The following LIMD1 variants were observed in gnomAD, a reference collection of about 807,000 sequenced individuals.
LIMD1 encodes the protein LIM domain-containing protein 1.
A neutral mutation model predicts 58.4 loss-of-function variants in LIMD1; 23 were observed. The ratio of observed to expected loss-of-function variants is 0.39; its 90% CI spans 0.28 to 0.56. The LOEUF (loss-of-function observed/expected upper bound fraction) is 0.56, where lower values mean the gene tolerates loss of function less well. Among genes scored for constraint, LIMD1 ranks in the 20% least tolerant of loss-of-function variants. LIMD1 has a pLI of 0.57. For missense variants in LIMD1, 838 were observed against 855.5 expected (o/e 0.98, Z 0.25); for synonymous variants, 334 against 345.5 (o/e 0.97, Z 0.37).
chr3:45,628,810 G>GAC (rs1701696276), intron 1 of LIMD1, among the ~76,000 whole-genome samples: 2 of 152,198 alleles, frequency 1.3e-5, no homozygotes, highest in Admixed American at 6.5e-5. Flanking sequence ...TCATATGGTG[G>GAC]AATACCACAT....
At chr3:45,599,584 G>A (rs566648635) in intron 1 of LIMD1, among the ~76,000 whole-genome samples, 2 of 152,292 alleles carry the variant, frequency 1.3e-5, no homozygotes, top group Non-Finnish European at 2.9e-5. Flanking sequence ...ACTGCACAGC[G>A]TCTTGGCAGT....
At chr3:45,609,857 G>A (rs1575344505) in intron 1 of LIMD1, among the ~76,000 whole-genome samples, 1 of 152,048 alleles carries the variant, frequency 6.6e-6, no homozygotes, top group African/African-American at 2.4e-5. Flanking sequence ...GTATCCCCAG[G>A]GCCCAAGGCA....
At chr3:45,601,669 A>G (rs1331139008) in intron 1 of LIMD1, among the ~76,000 whole-genome samples, 5 of 152,196 alleles carry the variant, frequency 3.3e-5, no homozygotes, top group African/African-American at 1.2e-4. Flanking sequence ...GTTTTGATGT[A>G]GGCACCATTC....
At chr3:45,633,071 A>G (rs1446492051) in intron 1 of LIMD1, among the ~76,000 whole-genome samples, 1 of 152,196 alleles carries the variant, frequency 6.6e-6, no homozygotes, top group East Asian at 1.9e-4. Flanking sequence ...AAATCATTAG[A>G]CAGAAAGAAA....
intron 1 of LIMD1, among the ~76,000 whole-genome samples, chr3:45,606,482 G>A (rs1701469154): frequency 6.6e-6 from 1 of 152,218 alleles, no homozygotes; most frequent in African/African-American, 2.4e-5. Flanking sequence ...TCCCACTCTT[G>A]CAACGAGAGG....
At chr3:45,635,169 CGGAG>C (rs1701773316) in intron 1 of LIMD1, 1 of 152,490 alleles carries the variant, frequency 6.6e-6, no homozygotes, top group South Asian at 2.1e-4. Context: ...ACCCGGGAGG[CGGAG>C]GTTGCAGTGA....
At chr3:45,642,341 AT>A (rs1701851437) in intron 2 of LIMD1, among the ~76,000 whole-genome samples, 1 of 151,716 alleles carries the variant, frequency 6.6e-6, no homozygotes, top group African/African-American at 2.4e-5. Flanking sequence ...ATGTTCAGCT[AT>A]TTTTTATTAT....
rs77820188 is a variant in LIMD1 at position 45,667,868 on chromosome 3, A to G, written c.1579-426A>G. On this transcript the variant is annotated intron_variant, in intron 3 of 7. Transcript: ENST00000273317. The stretch of plus-strand genomic sequence containing the variant: ...AGTGATGGTTTCAGAATCCCCTGAA[A>G]GGCTTGTGAAAACACAGATTGCCAG... Among the ~76,000 whole-genome samples the G allele has an allele frequency of 7.3e-3, 1,109 of 152,230 alleles. 6 individuals carry two copies. Among genetic ancestry groups the G allele is most frequent in the Non-Finnish European group, 0.012 (800 of 68,010 alleles).
chr3:45,595,655 C>G lies in LIMD1; in HGVS notation c.776C>G (p.Pro259Arg), dbSNP rs771192097. ...ATTGGTGGCCGCAGCAGCGAGAAGCCAACAGGCCTTTGGTCCACTGCCTCC... is the reference window on the plus strand; with the variant it reads ...ATTGGTGGCCGCAGCAGCGAGAAGCGAACAGGCCTTTGGTCCACTGCCTCC... ...SGIGGRSSEK[P>R]TGLWSTASSQ... Residue 259 changes from proline (P) to arginine (R), a missense_variant, in exon 1 of 8, where the codon CCA becomes CGA. Coordinates refer to ENST00000273317, the MANE Select transcript of LIMD1 (RefSeq NM_014240.3). 1 of 1,614,196 alleles carries G rather than the reference C, an allele frequency of 6.2e-7. No individual in the cohort carries two copies. Among genetic ancestry groups the G allele is most frequent in the East Asian group, 2.2e-5 (1 of 44,870 alleles).
At chr3:45,639,897 A>T (rs1701825207) in intron 2 of LIMD1, among the ~76,000 whole-genome samples, 1 of 152,194 alleles carries the variant, frequency 6.6e-6, no homozygotes, top group Admixed American at 6.5e-5. Context: ...TCCTGACCTC[A>T]GGTGATCTAC....
intron 2 of LIMD1, among the ~76,000 whole-genome samples, chr3:45,639,724 G>A (rs909616247): frequency 4.6e-5 from 7 of 152,058 alleles, no homozygotes; most frequent in Non-Finnish European, 7.4e-5. Flanking sequence ...GTGCAGTGGC[G>A]CAGTCTCGGC....
chr3:45,627,806 G>A (rs1444781299), intron 1 of LIMD1, among the ~76,000 whole-genome samples: 1 of 151,126 alleles, frequency 6.6e-6, no homozygotes, highest in Non-Finnish European at 1.5e-5. Context: ...TCAGGAGTTC[G>A]ATACCAGCCT....
At chr3:45,596,764 GTGTGTGTGTGTC>G (rs920116613) in intron 1 of LIMD1, among the ~76,000 whole-genome samples, 17 of 151,834 alleles carry the variant, frequency 1.1e-4, no homozygotes, top group South Asian at 4.2e-4. Context: ...CTTGACTGCC[GTGTGTGTGTGTC>G]TGTGTGTGTG....
intron 1 of LIMD1, among the ~76,000 whole-genome samples, chr3:45,609,332 A>G (rs528637542): frequency 1.3e-5 from 2 of 152,342 alleles, no homozygotes; most frequent in South Asian, 4.1e-4. Context: ...GGTTAAGGGA[A>G]TTTCAGTCGG....
intron 2 of LIMD1, among the ~76,000 whole-genome samples, chr3:45,644,249 G>T (rs1384838614): frequency 6.6e-6 from 1 of 152,200 alleles, no homozygotes; most frequent in Non-Finnish European, 1.5e-5. Flanking sequence ...TGAAGGACTG[G>T]AGGGTTCTTG....
chr3:45,606,689 G>C (rs577494544), intron 1 of LIMD1, among the ~76,000 whole-genome samples: 19 of 152,368 alleles, frequency 1.2e-4, no homozygotes, highest in Non-Finnish European at 2.6e-4. Context: ...GCATAGGTAG[G>C]GGTGTGCCAG....
chr3:45,661,518 G>C (rs1175834388), intron 2 of LIMD1, among the ~76,000 whole-genome samples: 1 of 152,172 alleles, frequency 6.6e-6, no homozygotes, highest in Admixed American at 6.5e-5. Flanking sequence ...TTATAAATCT[G>C]AGATGACGAT....
chr3:45,663,236 C>T (rs1697467120), intron 2 of LIMD1, among the ~76,000 whole-genome samples: 1 of 152,174 alleles, frequency 6.6e-6, no homozygotes, highest in Admixed American at 6.5e-5. Context: ...GAAGACGCTT[C>T]TAGTTTTTCC....
At chr3:45,607,902 G>T (rs1438607350) in intron 1 of LIMD1, among the ~76,000 whole-genome samples, 1 of 152,220 alleles carries the variant, frequency 6.6e-6, no homozygotes, top group South Asian at 2.1e-4. Flanking sequence ...CCAAGTTATG[G>T]CCACGTTTGC....
Sources: gnomAD v4.1 joint callset for allele counts (sites outside exome capture counted in the v4.1 genomes callset) on GRCh38, gnomAD v4.1.1 for gene constraint, MANE v1.5 for transcripts, NCBI Gene and HGNC (gene_info 2026-07-23, HGNC 2026-07-21) for gene names.